HCN1: variants seen among roughly 807,000 people sequenced by gnomAD.
HCN1 encodes hyperpolarization activated cyclic nucleotide gated potassium channel 1, also known as potassium/sodium hyperpolarization-activated cyclic nucleotide-gated channel 1.
HCN1 carries 13 observed loss-of-function variants against 78.9 expected under a neutral mutation model. The ratio of observed to expected loss-of-function variants is 0.16; its 90% CI spans 0.11 to 0.26. HCN1 has a LOEUF of 0.26. HCN1 is among the 10% of genes least tolerant of loss of function. The pLI, the probability that HCN1 is intolerant of heterozygous loss-of-function variation, is 1.00. For missense variants in HCN1, 810 were observed against 1,154.3 expected (o/e 0.70, Z 4.32); for synonymous variants, 552 against 455.5 (o/e 1.21, Z -2.70).
At chr5:45,501,632 C>T (rs1009251877) in intron 2 of HCN1, among the ~76,000 whole-genome samples, 2 of 151,912 alleles carry the variant, frequency 1.3e-5, no homozygotes, top group Non-Finnish European at 2.9e-5. Flanking sequence ...GTAGAGACAG[C>T]GTTTGACCAT....
intron 2 of HCN1, among the ~76,000 whole-genome samples, chr5:45,487,110 A>G (rs1741784674): frequency 6.6e-6 from 1 of 152,152 alleles, no homozygotes; most frequent in African/African-American, 2.4e-5. Context: ...AAAACTTTGA[A>G]CAGTCCTCTG....
chr5:45,432,854 T>C (rs967612465), intron 3 of HCN1, among the ~76,000 whole-genome samples: 1 of 152,146 alleles, frequency 6.6e-6, no homozygotes, highest in African/African-American at 2.4e-5. Flanking sequence ...AGAGGTTTAA[T>C]AGACTCGCAG....
chr5:45,492,939 G>A (rs1378970993), intron 2 of HCN1, among the ~76,000 whole-genome samples: 2 of 152,004 alleles, frequency 1.3e-5, no homozygotes, highest in Non-Finnish European at 2.9e-5. Flanking sequence ...GGTCAAGCTG[G>A]GACCTTCATA....
intron 3 of HCN1, among the ~76,000 whole-genome samples, chr5:45,417,931 G>A (rs993477647): frequency 6.6e-6 from 1 of 151,704 alleles, no homozygotes; most frequent in Non-Finnish European, 1.5e-5. Context: ...AGAAAAACGT[G>A]TTAATTCTAA....
At chr5:45,656,536 T>C (rs1456601628) in intron 1 of HCN1, among the ~76,000 whole-genome samples, 1 of 152,168 alleles carries the variant, frequency 6.6e-6, no homozygotes, top group African/African-American at 2.4e-5. Flanking sequence ...AGAAACAAGG[T>C]GGAGATAAAC....
intron 6 of HCN1, among the ~76,000 whole-genome samples, chr5:45,282,148 A>T (rs1209963429): frequency 6.6e-6 from 1 of 152,190 alleles, no homozygotes; most frequent in Non-Finnish European, 1.5e-5. Context: ...TATAAGTTTA[A>T]TGGAAATTCC....
At chr5:45,591,186 A>G (rs1050221580) in intron 2 of HCN1, among the ~76,000 whole-genome samples, 1 of 152,070 alleles carries the variant, frequency 6.6e-6, no homozygotes, top group African/African-American at 2.4e-5. Flanking sequence ...AGGACATTCT[A>G]TTTCCTTCTA....
At chr5:45,375,859 A>T in intron 4 of HCN1, among the ~76,000 whole-genome samples, 2 of 120,056 alleles carry the variant, frequency 1.7e-5, no homozygotes, top group African/African-American at 3.3e-5. Flanking sequence ...ATATTTTATG[A>T]TATATCTTAT....
intron 4 of HCN1, among the ~76,000 whole-genome samples, chr5:45,374,883 T>A (rs1747569843): frequency 6.9e-6 from 1 of 144,864 alleles, no homozygotes; most frequent in Non-Finnish European, 1.5e-5. Flanking sequence ...CATGGGTATA[T>A]ATATAGAGAG....
chr5:45,373,995 T>G (rs190442967), intron 4 of HCN1, among the ~76,000 whole-genome samples: 1 of 110,282 alleles, frequency 9.1e-6, no homozygotes, highest in African/African-American at 4.5e-5. Flanking sequence ...ATATATATAA[T>G]ATATATTATA....
intron 2 of HCN1, among the ~76,000 whole-genome samples, chr5:45,639,718 T>C (rs758654491): frequency 3.3e-5 from 5 of 152,118 alleles, no homozygotes; most frequent in Non-Finnish European, 7.4e-5. Context: ...TTTAGCTATC[T>C]AAAAAAGTAC....
intron 2 of HCN1, among the ~76,000 whole-genome samples, chr5:45,487,685 G>A (rs181225517): frequency 6.6e-6 from 1 of 152,004 alleles, no homozygotes; most frequent in Admixed American, 6.6e-5. Flanking sequence ...GTAAGTTCAT[G>A]TTCCAATGTC....
intron 2 of HCN1, among the ~76,000 whole-genome samples, chr5:45,504,399 C>G (rs975298495): frequency 1.6e-4 from 24 of 151,996 alleles, no homozygotes; most frequent in Non-Finnish European, 2.8e-4. Flanking sequence ...TGGTTTCCAG[C>G]TCATCCATGT....
Position 45,415,023 on chromosome 5 carries a change from A to C in HCN1, c.1012-18313T>G, listed in dbSNP as rs939576257. Among the ~76,000 whole-genome samples, 4 of 152,160 alleles carry C rather than the reference A, an allele frequency of 2.6e-5. 1 individual carries two copies. The East Asian group carries it at 7.7e-4, about 29-fold the overall frequency. ...GTACACTCTGTCACAATTAGATATC[A>C]TCCTGTCATATCTTGTAAGCAGTGG... is the stretch of plus-strand genomic sequence containing the variant. On this transcript the variant is annotated intron_variant, in intron 3 of 7. Transcript: ENST00000303230.
intron 2 of HCN1, among the ~76,000 whole-genome samples, chr5:45,587,162 C>G (rs1184072448): frequency 6.6e-6 from 1 of 152,156 alleles, no homozygotes; most frequent in South Asian, 2.1e-4. Flanking sequence ...GGATCTAGAA[C>G]TAGAAATACC....
chr5:45,311,807 G>A (rs1272580968), intron 5 of HCN1, among the ~76,000 whole-genome samples: 3 of 152,146 alleles, frequency 2.0e-5, no homozygotes, highest in East Asian at 3.9e-4. Context: ...TAATTGCAGA[G>A]GAAGAGTACA....
At chr5:45,354,696 C>T (rs1002160546) in intron 4 of HCN1, among the ~76,000 whole-genome samples, 1 of 151,942 alleles carries the variant, frequency 6.6e-6, no homozygotes, top group Non-Finnish European at 1.5e-5. Flanking sequence ...ACCACTTTGT[C>T]GTGAGACTTT....
At chr5:45,324,644 A>G (rs1218348777) in intron 5 of HCN1, among the ~76,000 whole-genome samples, 1 of 151,810 alleles carries the variant, frequency 6.6e-6, no homozygotes, top group Non-Finnish European at 1.5e-5. Context: ...AATTCCACAG[A>G]CTAATAAAAC....
chr5:45,468,636 A>T (rs1472292101), intron 2 of HCN1, among the ~76,000 whole-genome samples: 1 of 152,038 alleles, frequency 6.6e-6, no homozygotes, highest in Non-Finnish European at 1.5e-5. Flanking sequence ...ATTTATGAAA[A>T]GTGTGTTTTT....
Sources: gnomAD v4.1 joint callset for allele counts (sites outside exome capture counted in the v4.1 genomes callset) on GRCh38, gnomAD v4.1.1 for gene constraint, MANE v1.5 for transcripts, NCBI Gene and HGNC (gene_info 2026-07-23, HGNC 2026-07-21) for gene names.